Variants in KCNN3 observed in about 807,000 individuals in gnomAD.
KCNN3 encodes potassium calcium-activated channel subfamily N member 3.
A neutral mutation model predicts 62.9 loss-of-function variants in KCNN3; 16 were observed. The observed-to-expected ratio is 0.25, with a 90% confidence interval of 0.17 to 0.39. KCNN3 has a LOEUF of 0.39. KCNN3 is among the 10% of genes least tolerant of loss of function. KCNN3 has a pLI of 1.00. For missense variants in KCNN3, 599 were observed against 949.4 expected (o/e 0.63, Z 4.85); for synonymous variants, 370 against 389.2 (o/e 0.95, Z 0.58).
intron 1 of KCNN3, among the ~76,000 whole-genome samples, chr1:154,840,087 A>G (rs7549705): frequency 0.012 from 1,838 of 152,224 alleles, 44 homozygotes; most frequent in African/African-American, 0.043. Flanking sequence ...TTTATCTAGT[A>G]TTTCCTAAAA....
chr1:154,826,105 CT>C (rs1651118089), intron 1 of KCNN3, among the ~76,000 whole-genome samples: 1 of 151,044 alleles, frequency 6.6e-6, no homozygotes, highest in Non-Finnish European at 1.5e-5. Context: ...CCAAAAAACA[CT>C]TCTGCAGACA....
intron 2 of KCNN3, among the ~76,000 whole-genome samples, chr1:154,800,477 C>T (rs1649908239): frequency 6.6e-6 from 1 of 152,158 alleles, no homozygotes; most frequent in Admixed American, 6.5e-5. Context: ...AAACCCTCAC[C>T]CAGGAGATGG....
chr1:154,825,438 T>C (rs1457295705), intron 1 of KCNN3, among the ~76,000 whole-genome samples: 3 of 147,046 alleles, frequency 2.0e-5, no homozygotes, highest in Non-Finnish European at 1.5e-5. Context: ...CGATCTCAGC[T>C]CACTGCAAGC....
chr1:154,795,697 A>T (rs1182123425), intron 2 of KCNN3, among the ~76,000 whole-genome samples: 1 of 152,136 alleles, frequency 6.6e-6, no homozygotes. Context: ...GGGGCACTGA[A>T]AGTTGGTGGG....
intron 3 of KCNN3, among the ~76,000 whole-genome samples, chr1:154,734,064 G>C (rs1054474887): frequency 2.0e-5 from 3 of 152,190 alleles, no homozygotes; most frequent in African/African-American, 7.2e-5. Flanking sequence ...TGCCACAGAG[G>C]AGCAAGGCTT....
chr1:154,702,128 C>A lies in KCNN3; in HGVS notation c.*5848G>T, dbSNP rs907534850. On this transcript the variant is annotated 3_prime_UTR_variant, in exon 8 of 8. Transcript: ENST00000271915. The stretch of plus-strand genomic sequence containing the variant: ...AATAATGTTCTTTTGTCTCTAATAC[C>A]CAGGCCTTGGAGAATTAGAATATGG... 6.6e-6 allele frequency: 1 copy of A among 151,690 alleles called. No individual in the cohort carries two copies. Among genetic ancestry groups the A allele is most frequent in the Non-Finnish European group, 1.5e-5 (1 of 67,966 alleles). The allele number at this position is 151,690 out of a possible 1,614,324, so 9.4% of individuals were successfully genotyped here.
intron 5 of KCNN3, among the ~76,000 whole-genome samples, chr1:154,718,168 T>TGG (rs1700269925): frequency 1.3e-5 from 2 of 152,240 alleles, no homozygotes; most frequent in East Asian, 3.9e-4. Flanking sequence ...CGGATGGGTT[T>TGG]GGGGATGGTT....
chr1:154,833,891 A>G (rs1018376914), intron 1 of KCNN3, among the ~76,000 whole-genome samples: 1 of 152,240 alleles, frequency 6.6e-6, no homozygotes, highest in Non-Finnish European at 1.5e-5. Flanking sequence ...TTGGCTTAAC[A>G]ATACAAAAGC....
At chr1:154,816,438 C>T (rs1650668087) in intron 2 of KCNN3, among the ~76,000 whole-genome samples, 1 of 152,228 alleles carries the variant, frequency 6.6e-6, no homozygotes, top group Non-Finnish European at 1.5e-5. Context: ...GTAGTCTCTT[C>T]AGTTTAATTC....
intron 2 of KCNN3, among the ~76,000 whole-genome samples, chr1:154,810,964 C>T (rs1214885369): frequency 6.6e-6 from 1 of 152,248 alleles, no homozygotes; most frequent in East Asian, 1.9e-4. Flanking sequence ...GGACACATCT[C>T]TTACCTTCTC....
At chr1:154,835,423 C>T (rs1177257141) in intron 1 of KCNN3, among the ~76,000 whole-genome samples, 2 of 152,200 alleles carry the variant, frequency 1.3e-5, no homozygotes, top group Non-Finnish European at 2.9e-5. Context: ...GCCCCCACAC[C>T]TGCCAGCTTC....
chr1:154,714,583 GTGTATGGTGTGTGTGA>G (rs1700188874), intron 6 of KCNN3, among the ~76,000 whole-genome samples: 1 of 93,350 alleles, frequency 1.1e-5, no homozygotes, highest in Admixed American at 1.3e-4. Context: ...TGTGTGTGGT[GTGTATGGTGTGTGTGA>G]TGTGTGGTGT....
At chr1:154,771,058 GATAAATAAATAAATAAATAA>G (rs112864449) in intron 3 of KCNN3, among the ~76,000 whole-genome samples, 6,613 of 136,630 alleles carry the variant, frequency 0.048, 249 homozygotes, top group Non-Finnish European at 0.062. Context: ...CTCCATCTCA[GATAAATAAATAAATAAATAA>G]ATAAATAAAT....
intron 3 of KCNN3, among the ~76,000 whole-genome samples, chr1:154,768,832 A>G (rs1173477706): frequency 6.6e-6 from 1 of 152,060 alleles, no homozygotes; most frequent in Admixed American, 6.5e-5. Context: ...CATGGTCAAG[A>G]CCATAGGCAG....
At chr1:154,755,787 G>GGGA (rs1553231066) in intron 3 of KCNN3, among the ~76,000 whole-genome samples, 2 of 129,926 alleles carry the variant, frequency 1.5e-5, no homozygotes, top group Non-Finnish European at 3.2e-5. Context: ...AGAGAGAGAG[G>GGGA]GGAGGAGGAG....
chr1:154,864,121 G>C (rs990994720), intron 1 of KCNN3, among the ~76,000 whole-genome samples: 6 of 152,284 alleles, frequency 3.9e-5, no homozygotes, highest in African/African-American at 1.2e-4. Context: ...TAGGGCCCTC[G>C]GCAGTGGGCT....
intron 2 of KCNN3, among the ~76,000 whole-genome samples, chr1:154,810,255 A>T (rs1208150696): frequency 6.6e-6 from 1 of 152,166 alleles, no homozygotes; most frequent in Non-Finnish European, 1.5e-5. Context: ...CACAGTGTCT[A>T]AGGGAAAGAC....
chr1:154,794,624 G>A (rs927166105), intron 2 of KCNN3, among the ~76,000 whole-genome samples: 1 of 152,270 alleles, frequency 6.6e-6, no homozygotes, highest in African/African-American at 2.4e-5. Flanking sequence ...TTATTCAGCT[G>A]TCTTGAGGCC....
chr1:154,781,264 C>T (rs1320974875), intron 2 of KCNN3, among the ~76,000 whole-genome samples: 5 of 152,180 alleles, frequency 3.3e-5, no homozygotes, highest in Admixed American at 6.5e-5. Context: ...TTTTTACTCA[C>T]GTAGCAGGAA....
Sources: gnomAD v4.1 joint callset for allele counts (sites outside exome capture counted in the v4.1 genomes callset) on GRCh38, gnomAD v4.1.1 for gene constraint, MANE v1.5 for transcripts, NCBI Gene and HGNC (gene_info 2026-07-23, HGNC 2026-07-21) for gene names.